The following LHFPL3 variants were observed in gnomAD, a reference collection of about 807,000 sequenced individuals.
LHFPL3 encodes the protein LHFPL tetraspan subfamily member 3, also known as LHFPL tetraspan subfamily member 3 protein.
LHFPL3 carries 5 observed loss-of-function variants against 19.3 expected under a neutral mutation model. That is an observed-to-expected ratio of 0.26 (90% CI 0.14 to 0.54). The LOEUF is 0.54. LHFPL3 is among the 20% of genes least tolerant of loss of function. The pLI is 0.94. For missense variants in LHFPL3, 249 were observed against 307.4 expected, an observed-to-expected ratio of 0.81 and a Z score of 1.42; for synonymous variants, 133 against 126.2, an observed-to-expected ratio of 1.05 and a Z score of -0.36.
intron 1 of LHFPL3, among the ~76,000 whole-genome samples, chr7:104,580,081 G>T (rs1385497436): frequency 6.6e-6 from 1 of 152,164 alleles, no homozygotes; most frequent in African/African-American, 2.4e-5. Context: ...ACCTAGCAAT[G>T]TACTTGCAGA....
rs147486666 is a variant in LHFPL3, at chr7:104,904,154, C to A, written c.683-2033C>A. The stretch of plus-strand genomic sequence containing the variant: ...ATGACATGATCATATTTCAATTATC[C>A]TCTGTGTAGTCTGGGTATATTAAAG... On this transcript the variant is annotated intron_variant, in intron 2 of 2. Transcript: ENST00000424859. Among the ~76,000 whole-genome samples the A allele has an allele frequency of 3.3e-5, 5 of 152,254 alleles. No individual in the cohort carries two copies. The East Asian group carries it at 9.6e-4, about 29-fold the overall frequency.
Position 104,562,728 on chromosome 7 carries a change from A to G in LHFPL3, c.446-173947A>G, listed in dbSNP as rs546905632. On this transcript the variant is annotated intron_variant, in intron 1 of 2. Coordinates refer to ENST00000424859, the MANE Select transcript of LHFPL3 (RefSeq NM_199000.3). ...AGCTTTGTTCCATTGCTGGTGAGGA[A>G]CTGCGTTCCTTTGGAGGAGGAGAGG... Among the ~76,000 whole-genome samples, 1,199 of 151,970 alleles carry G rather than the reference A, an allele frequency of 7.9e-3. 13 individuals are homozygous for G. Among genetic ancestry groups the G allele is most frequent in the African/African-American group, 0.027 (1,116 of 41,278 alleles).
At chr7:104,454,805 G>A (rs1453162600) in intron 1 of LHFPL3, among the ~76,000 whole-genome samples, 1 of 151,994 alleles carries the variant, frequency 6.6e-6, no homozygotes, top group Non-Finnish European at 1.5e-5. Flanking sequence ...AAGACAGAAG[G>A]GGCATAATTG....
At chr7:104,450,750 G>A (rs1792419491) in intron 1 of LHFPL3, among the ~76,000 whole-genome samples, 1 of 151,840 alleles carries the variant, frequency 6.6e-6, no homozygotes. Flanking sequence ...AAAAAAACTA[G>A]CAACATTCTA....
At chr7:104,883,933 G>T (rs1346599403) in intron 2 of LHFPL3, among the ~76,000 whole-genome samples, 3 of 152,106 alleles carry the variant, frequency 2.0e-5, no homozygotes, top group Non-Finnish European at 4.4e-5. Context: ...TTCCCTTTGA[G>T]CCCGCATAAC....
At chr7:104,774,047 T>A (rs1249146570) in intron 2 of LHFPL3, among the ~76,000 whole-genome samples, 1 of 152,198 alleles carries the variant, frequency 6.6e-6, no homozygotes, top group Non-Finnish European at 1.5e-5. Flanking sequence ...AATTCAGGCC[T>A]CCTGGCCTTT....
intron 1 of LHFPL3, among the ~76,000 whole-genome samples, chr7:104,403,725 T>TTTTCTCTCTCTCTCTC (rs370782926): frequency 4.2e-5 from 6 of 143,598 alleles, no homozygotes; most frequent in African/African-American, 1.3e-4. Flanking sequence ...TTAGTGAACA[T>TTTTCTCTCTCTCTCTC]TCTCTCTCTC....
chr7:104,690,427 C>G (rs972223935), intron 1 of LHFPL3, among the ~76,000 whole-genome samples: 3 of 152,266 alleles, frequency 2.0e-5, no homozygotes, highest in Admixed American at 2.0e-4. Flanking sequence ...GTGTCATAAT[C>G]TTGTTCGCAA....
rs1304275578 is a variant in LHFPL3 at position 104,399,261 on chromosome 7, A to G, written c.445+70037A>G. On this transcript the variant is annotated intron_variant, in intron 1 of 2. Transcript: ENST00000424859. The surrounding 1 kb of genome is among the most constrained non-coding windows in gnomAD (Gnocchi z 4.4). The stretch of plus-strand genomic sequence containing the variant: ...GGCCCTGGTGCAGATTTAGGGTGCT[A>G]GAATAAGCATCTAGAATTACAATGA... Among the ~76,000 whole-genome samples the G allele has an allele frequency of 6.6e-6, 1 of 152,148 alleles. No homozygotes were observed. The highest frequency in any genetic ancestry group is 1.5e-5 in the Non-Finnish European group (1 of 68,016).
At chr7:104,400,814 A>C (rs60067926) in intron 1 of LHFPL3, among the ~76,000 whole-genome samples, 68 of 152,270 alleles carry the variant, frequency 4.5e-4, no homozygotes, top group Middle Eastern at 3.4e-3. Flanking sequence ...CACACTTTTC[A>C]TAAGAACTGT....
intron 1 of LHFPL3, among the ~76,000 whole-genome samples, chr7:104,713,468 G>C: frequency 6.6e-6 from 1 of 152,158 alleles, no homozygotes; most frequent in Admixed American, 6.5e-5. Flanking sequence ...GGCCAGAGCA[G>C]AAGGAAGAGA....
At chr7:104,561,031 A>G (rs1296581632) in intron 1 of LHFPL3, among the ~76,000 whole-genome samples, 1 of 151,640 alleles carries the variant, frequency 6.6e-6, no homozygotes, top group African/African-American at 2.4e-5. Context: ...GTTTGATTGC[A>G]CTGTGGTCTG....
chr7:104,789,351 G>A (rs929454979), intron 2 of LHFPL3, among the ~76,000 whole-genome samples: 21 of 152,110 alleles, frequency 1.4e-4, no homozygotes, highest in African/African-American at 4.6e-4. Context: ...ACAGAGTTCA[G>A]GAAATAAGTG....
At chr7:104,884,000 A>C (rs1792100930) in intron 2 of LHFPL3, among the ~76,000 whole-genome samples, 2 of 152,176 alleles carry the variant, frequency 1.3e-5, no homozygotes, top group South Asian at 4.1e-4. Context: ...TGGATATGGA[A>C]TCACACAGAC....
chr7:104,864,197 G>T (rs1174447155), intron 2 of LHFPL3, among the ~76,000 whole-genome samples: 1 of 152,244 alleles, frequency 6.6e-6, no homozygotes, highest in African/African-American at 2.4e-5. Context: ...CAACACAGAA[G>T]ATGGGTTATT....
chr7:104,598,474 A>C (rs769572393), intron 1 of LHFPL3, among the ~76,000 whole-genome samples: 11 of 152,234 alleles, frequency 7.2e-5, no homozygotes, highest in African/African-American at 9.6e-5. Flanking sequence ...AGCAGTGGCT[A>C]CCAAGAGGTG....
intron 1 of LHFPL3, among the ~76,000 whole-genome samples, chr7:104,717,575 C>A (rs547636460): frequency 1.3e-5 from 2 of 152,108 alleles, no homozygotes; most frequent in East Asian, 3.9e-4. Flanking sequence ...CACTAATAAT[C>A]AGGGAAATGC....
chr7:104,377,629 C>T (rs1413965433), intron 1 of LHFPL3, among the ~76,000 whole-genome samples: 1 of 152,132 alleles, frequency 6.6e-6, no homozygotes, highest in Non-Finnish European at 1.5e-5. Flanking sequence ...TTTACTTGCA[C>T]CTGTGAGGAG....
At chr7:104,446,751 T>C (rs1214621924) in intron 1 of LHFPL3, among the ~76,000 whole-genome samples, 1 of 152,006 alleles carries the variant, frequency 6.6e-6, no homozygotes, top group Non-Finnish European at 1.5e-5. Flanking sequence ...AATTTTTTTA[T>C]ATTTTTAGTA....
Sources: allele counts gnomAD v4.1 joint callset (sites outside exome capture counted in the v4.1 genomes callset), GRCh38; gene constraint gnomAD v4.1.1; non-coding constraint Gnocchi (gnomAD v3.1); transcripts MANE v1.5; gene names NCBI Gene and HGNC (gene_info 2026-07-23, HGNC 2026-07-21).